The following SNORC variants were observed in gnomAD, a reference collection of about 807,000 sequenced individuals.
SNORC encodes secondary ossification center associated regulator of chondrocyte maturation.
A neutral mutation model predicts 9.7 loss-of-function variants in SNORC; 11 were observed. The ratio of observed to expected loss-of-function variants is 1.14; its 90% CI spans 0.72 to 1.88. SNORC has a LOEUF of 1.88. Ranked by LOEUF, SNORC falls within the 40% of genes most tolerant of loss-of-function variation. SNORC has a pLI of 0.00. For missense variants in SNORC, 197 were observed against 173.1 expected (o/e 1.14, Z -0.77); for synonymous variants, 108 against 88.7 (o/e 1.22, Z -1.22).
exon 2 of SNORC, chr2:232,875,977 C>G: frequency 1.3e-6 from 2 of 1,552,370 alleles, no homozygotes; most frequent in South Asian, 1.2e-5. Flanking sequence ...CGCTGTGGAA[C>G]GAGCCGGCCG....
At chr2:232,877,485 G>A (rs965492814), downstream of SNORC, 1 of 360,196 alleles carries the variant, frequency 2.8e-6, no homozygotes, top group Non-Finnish European at 3.9e-6. Context: ...AGACCCCTTG[G>A]GGACAGCTTA....
intron 1 of SNORC, 131 bp downstream of exon 1, chr2:232,870,545 A>AT: frequency 1.1e-6 from 1 of 900,598 alleles, no homozygotes; most frequent in Non-Finnish European, 1.7e-6. Flanking sequence ...ATTTGGGGTG[A>AT]TTCTGCGAAG....
chr2:232,876,245 A>T lies in SNORC; in HGVS notation c.257-2A>T. On this transcript the variant is annotated splice_acceptor_variant, in intron 2 of 2. Transcript: ENST00000331342. LOFTEE classifies it high-confidence loss of function. The surrounding 1 kb of genome is among the most constrained non-coding windows in gnomAD (Gnocchi z 6.8). ...GGTGACATGGTCCTCCGTCCTCCGCAGGGTCGCTGGGGCCCGGCGCTATCG... is the reference window on the plus strand; with the variant it reads ...GGTGACATGGTCCTCCGTCCTCCGCTGGGTCGCTGGGGCCCGGCGCTATCG... 6.7e-7 allele frequency: 1 copy of T among 1,503,420 alleles called. No homozygotes were observed. The allele number at this position is 1,503,420 out of a possible 1,614,324, so 93.1% of individuals were successfully genotyped here.
At chr2:232,875,655 C>A in intron 1 of SNORC, 1 of 532,910 alleles carries the variant, frequency 1.9e-6, no homozygotes, top group Non-Finnish European at 3.4e-6. Context: ...CTGGGTACCC[C>A]AAATCCTGCC....
chr2:232,876,603 C>T, downstream of SNORC: 1 of 1,099,096 alleles, frequency 9.1e-7, no homozygotes, highest in Non-Finnish European at 1.1e-6. The surrounding 1 kb of genome is among the most constrained non-coding windows in gnomAD (Gnocchi z 6.8). Flanking sequence ...TGTCCGAGCC[C>T]GCCTGCGTGT....
At chr2:232,866,558 TACCAAGAATC>T (rs1234298886), upstream of SNORC, among the ~76,000 whole-genome samples, 1 of 152,218 alleles carries the variant, frequency 6.6e-6, no homozygotes, top group Admixed American at 6.5e-5. Flanking sequence ...TTTTAGTATT[TACCAAGAATC>T]TAAGTTTTTA....
In SNORC at chr2:232,870,492, C is replaced by T. The variant is rs553101152; in HGVS notation, c.73+78C>T. 24 of 1,360,534 alleles carry T rather than the reference C, an allele frequency of 1.8e-5. No homozygotes were observed. The Admixed American group carries it at 2.1e-4, about 12-fold the overall frequency. The allele number at this position is 1,360,534 out of a possible 1,614,324, so 84.3% of individuals were successfully genotyped here. On this transcript the variant is annotated intron_variant, in intron 1 of 2. Coordinates refer to ENST00000331342, the Ensembl canonical transcript of SNORC. ...ACTACCTTGGGGCCAGATTCTTCAACGTTCACTGGGGAGGAAGCCCTCTCA... is the reference window on the plus strand; with the variant it reads ...ACTACCTTGGGGCCAGATTCTTCAATGTTCACTGGGGAGGAAGCCCTCTCA...
At chr2:232,876,722 G>A, downstream of SNORC, 1 of 987,060 alleles carries the variant, frequency 1.0e-6, no homozygotes, top group Non-Finnish European at 1.2e-6. This position sits in a 1 kb window ranked among gnomAD's most constrained non-coding sequence, Gnocchi z 6.8. Context: ...GCGTGCGCCG[G>A]GGCCGCCAGG....
chr2:232,868,722 A>G (rs901939857), upstream of SNORC, among the ~76,000 whole-genome samples: 2 of 152,156 alleles, frequency 1.3e-5, no homozygotes, highest in African/African-American at 4.8e-5. Flanking sequence ...TCTCAATCTC[A>G]TAGCATCCAG....
At position 232,876,373 on chromosome 2, in the gene SNORC, G is replaced by T. The variant is rs1214783317; in HGVS notation, c.*17G>T. The T allele has an allele frequency of 6.6e-7, 1 of 1,515,786 alleles. No individual in the cohort carries two copies. Among genetic ancestry groups the T allele is most frequent in the Non-Finnish European group, 8.8e-7 (1 of 1,137,626 alleles). The allele number at this position is 1,515,786 out of a possible 1,614,324, so 93.9% of individuals were successfully genotyped here. On this transcript the variant is annotated 3_prime_UTR_variant, in exon 3 of 3. Coordinates refer to ENST00000331342, the Ensembl canonical transcript of SNORC. The surrounding 1 kb of genome is among the most constrained non-coding windows in gnomAD (Gnocchi z 6.8). Reference sequence around the variant, plus strand: ...GCCTCCTGAAGCGAATAAAGGGGCCGCGCCCGGCCGCGGCGCGACTCGGCT... The same window carrying T: ...GCCTCCTGAAGCGAATAAAGGGGCCTCGCCCGGCCGCGGCGCGACTCGGCT...
rs1691221816 is a variant in SNORC at position 232,876,047 on chromosome 2, A to T, written c.181A>T (p.Thr61Ser). The change falls in exon 2 of 3, where the codon ACC (threonine) becomes TCC (serine). Residue 61 changes from threonine to serine, a missense_variant. Coordinates refer to ENST00000331342, the Ensembl canonical transcript of SNORC. This position sits in a 1 kb window ranked among gnomAD's most constrained non-coding sequence, Gnocchi z 6.8. Reference sequence around the variant, plus strand: ...CAGCCCCGGCCGGGAGCCCGTGGACACCGGTCCCCCAGCCCCCACCGTCGC... The same window carrying T: ...CAGCCCCGGCCGGGAGCCCGTGGACTCCGGTCCCCCAGCCCCCACCGTCGC... 6.5e-7 allele frequency: 1 copy of T among 1,540,834 alleles called. No individual in the cohort carries two copies. Among genetic ancestry groups the T allele is most frequent in the Non-Finnish European group, 8.7e-7 (1 of 1,147,520 alleles).
rs749619568 is a variant in SNORC, at chr2:232,870,316, C to T, written c.-26C>T. 5.2e-6 allele frequency: 8 copies of T among 1,549,838 alleles called. No homozygotes were observed. The Admixed American group carries it at 7.8e-5, about 15-fold the overall frequency. Reference sequence around the variant, plus strand: ...AGCGCAGTCCTCCGTGCGTCCCGCCCGCCGCTGCCCTCACTCCCGGCCAGG... The same window carrying T: ...AGCGCAGTCCTCCGTGCGTCCCGCCTGCCGCTGCCCTCACTCCCGGCCAGG... On this transcript the variant is annotated 5_prime_UTR_variant, in exon 1 of 3. Transcript: ENST00000331342.
At chr2:232,875,654 C>A in intron 1 of SNORC, 1 of 531,606 alleles carries the variant, frequency 1.9e-6, no homozygotes, top group Non-Finnish European at 3.4e-6. Flanking sequence ...CCTGGGTACC[C>A]CAAATCCTGC....
downstream of SNORC, chr2:232,876,711 C>G (rs1338409758): frequency 4.0e-6 from 4 of 988,376 alleles, no homozygotes; most frequent in African/African-American, 7.0e-5. The surrounding 1 kb of genome is among the most constrained non-coding windows in gnomAD (Gnocchi z 6.8). Context: ...GTGCCCGGTG[C>G]GCGTGCGCCG....
chr2:232,876,251 G>A lies in SNORC; in HGVS notation c.261G>A (p.Ser87=). ...ATGGTCCTCCGTCCTCCGCAGGGTC[G>A]CTGGGGCCCGGCGCTATCGCGGCCA... The change falls in exon 3 of 3, where the codon TCG becomes TCA. Residue 87 remains serine, a synonymous_variant. Transcript: ENST00000331342. This position sits in a 1 kb window ranked among gnomAD's most constrained non-coding sequence, Gnocchi z 6.8. 1.3e-6 allele frequency: 2 copies of A among 1,504,272 alleles called. No homozygotes were observed. 93.2% of individuals were successfully genotyped at this position (1,504,272 alleles called of 1,614,324 possible). A position where few individuals can be genotyped will look rare whatever the true frequency, so the allele number is the denominator to read the frequency against.
chr2:232,876,209 G>T lies in SNORC; in HGVS notation c.257-38G>T. 6.7e-7 allele frequency: 1 copy of T among 1,482,016 alleles called. No homozygotes were observed. Among genetic ancestry groups the T allele is most frequent in the South Asian group, 1.3e-5 (1 of 77,704 alleles). The allele number at this position is 1,482,016 out of a possible 1,614,324, so 91.8% of individuals were successfully genotyped here. A position where few individuals can be genotyped will look rare whatever the true frequency, so the allele number is the denominator to read the frequency against. On this transcript the variant is annotated intron_variant, in intron 2 of 2. Coordinates refer to ENST00000331342, the Ensembl canonical transcript of SNORC. The surrounding 1 kb of genome is among the most constrained non-coding windows in gnomAD (Gnocchi z 6.8). The stretch of plus-strand genomic sequence containing the variant: ...GCGCGGGGAGAAGGGCCGGCCAGGC[G>T]GGGGCTAGCAGGTGACATGGTCCTC...
chr2:232,870,597 C>T (rs1690992245), intron 1 of SNORC, among the ~76,000 whole-genome samples, 183 bp downstream of exon 1: 2 of 152,214 alleles, frequency 1.3e-5, no homozygotes, highest in South Asian at 2.1e-4. Context: ...GTGGGATGGA[C>T]GTCTCAGGAA....
intron 1 of SNORC, among the ~76,000 whole-genome samples, chr2:232,871,668 C>T (rs971708432): frequency 5.9e-5 from 9 of 152,196 alleles, no homozygotes; most frequent in South Asian, 2.1e-4. Context: ...GCGAGCCATG[C>T]GGTGTTCCCA....
chr2:232,876,051 G>GT lies in SNORC; in HGVS notation c.186dup (p.Pro63SerfsTer?). ...CCCGGCCGGGAGCCCGTGGACACCG[G>GT]TCCCCCAGCCCCCACCGTCGCGCCA... On this transcript the variant is annotated frameshift_variant, in exon 2 of 3. Coordinates refer to ENST00000331342, the Ensembl canonical transcript of SNORC. LOFTEE classifies it high-confidence loss of function. The surrounding 1 kb of genome is among the most constrained non-coding windows in gnomAD (Gnocchi z 6.8). The GT allele has an allele frequency of 6.5e-7, 1 of 1,540,408 alleles. No homozygotes were observed. The highest frequency in any genetic ancestry group is 8.7e-7 in the Non-Finnish European group (1 of 1,147,360).
Sources: gnomAD v4.1 joint callset for allele counts (sites outside exome capture counted in the v4.1 genomes callset) on GRCh38, gnomAD v4.1.1 for gene constraint, Gnocchi (gnomAD v3.1) non-coding constraint, MANE v1.5 for transcripts, NCBI Gene and HGNC (gene_info 2026-07-23, HGNC 2026-07-21) for gene names.